Variants in TMEM131 observed in about 807,000 individuals in gnomAD.
TMEM131 encodes the protein 2610524E03Rik.
A neutral mutation model predicts 211.6 loss-of-function variants in TMEM131; 66 were observed. The observed-to-expected ratio is 0.31, with a 90% CI of 0.26 to 0.38. The LOEUF is 0.38. TMEM131 is among the 10% of genes least tolerant of loss of function. The pLI, the probability that TMEM131 is intolerant of heterozygous loss-of-function variation, is 1.00. For synonymous variants in TMEM131, 844 were observed against 841.3 expected, an observed-to-expected ratio of 1.00 and a Z score of -0.06; for missense variants, 2,036 against 2,299.3, an observed-to-expected ratio of 0.89 and a Z score of 2.34.
At chr2:97,922,080 G>C (rs1676764740) in intron 2 of TMEM131, among the ~76,000 whole-genome samples, 1 of 152,154 alleles carries the variant, frequency 6.6e-6, no homozygotes, top group African/African-American at 2.4e-5. Flanking sequence ...ATGGATGGGG[G>C]GTTAGCGGGA....
chr2:97,841,830 G>A lies in TMEM131; in HGVS notation c.708C>T (p.His236=). The change falls in exon 7 of 41, where the codon CAC becomes CAT. Residue 236 remains histidine, a synonymous_variant. Coordinates refer to ENST00000186436, the MANE Select transcript of TMEM131 (RefSeq NM_015348.2). ...FSPIINIHNP[H]SEPLQVVEMY... The stretch of plus-strand genomic sequence containing the variant: ...ATAAACTCACCTGTAAAGGCTCACT[G>A]TGAGGATTGTGGATGTTTATTATAG... 6.3e-7 allele frequency: 1 copy of A among 1,595,996 alleles called. No individual in the cohort carries two copies. Among genetic ancestry groups the A allele is most frequent in the Non-Finnish European group, 8.5e-7 (1 of 1,170,530 alleles).
intron 1 of TMEM131, among the ~76,000 whole-genome samples, chr2:97,983,048 T>C (rs1202995307): frequency 6.6e-6 from 1 of 152,028 alleles, no homozygotes; most frequent in Non-Finnish European, 1.5e-5. Flanking sequence ...TCCATGCTCT[T>C]GTTACCCAAT....
intron 5 of TMEM131, among the ~76,000 whole-genome samples, chr2:97,856,785 C>T (rs545237067): frequency 1.3e-5 from 2 of 152,000 alleles, no homozygotes; most frequent in African/African-American, 4.8e-5. Context: ...CTCTACGTCT[C>T]GAGCTTAAGT....
At chr2:97,929,159 G>C (rs1329299080) in intron 1 of TMEM131, among the ~76,000 whole-genome samples, 1 of 151,518 alleles carries the variant, frequency 6.6e-6, no homozygotes, top group Non-Finnish European at 1.5e-5. Context: ...GCATCCTATA[G>C]TGCCGGAAAG....
intron 2 of TMEM131, among the ~76,000 whole-genome samples, chr2:97,924,094 TAGATTAG>T (rs112778367): frequency 0.33 from 50,225 of 150,880 alleles, 9,101 homozygotes; most frequent in Non-Finnish European, 0.39. Flanking sequence ...AAAAAAAAGT[TAGATTAG>T]AGGCCGAGCA....
At chr2:97,805,769 TCAGAGTAGACAAG>T (rs1219873738) in intron 19 of TMEM131, 66 bp from the exon 20 acceptor site, 4 of 1,417,836 alleles carry the variant, frequency 2.8e-6, no homozygotes, top group Non-Finnish European at 3.8e-6. Flanking sequence ...ATCACAAGTT[TCAGAGTAGACAAG>T]CATACTTCTA....
chr2:97,788,102 C>T (rs1364806443), intron 31 of TMEM131, among the ~76,000 whole-genome samples: 2 of 152,170 alleles, frequency 1.3e-5, no homozygotes, highest in African/African-American at 2.4e-5. Context: ...CGTCCTCACT[C>T]GCTGTCTTTT....
chr2:97,865,054 T>C (rs116303785), intron 4 of TMEM131, among the ~76,000 whole-genome samples: 1 of 152,306 alleles, frequency 6.6e-6, no homozygotes, highest in African/African-American at 2.4e-5. Context: ...TGGTGACAAA[T>C]ATGGGGCAAT....
At chr2:97,969,483 T>C (rs1005685749) in intron 1 of TMEM131, among the ~76,000 whole-genome samples, 52 of 152,216 alleles carry the variant, frequency 3.4e-4, no homozygotes, top group African/African-American at 9.2e-4. Context: ...GTATTATTTA[T>C]GTTTTCCAAA....
chr2:97,914,772 A>T (rs1288751099), intron 2 of TMEM131, among the ~76,000 whole-genome samples: 1 of 152,256 alleles, frequency 6.6e-6, no homozygotes, highest in Non-Finnish European at 1.5e-5. Flanking sequence ...TTAACAGTAC[A>T]TCTACTGAAA....
intron 31 of TMEM131, among the ~76,000 whole-genome samples, chr2:97,782,967 TA>T (rs559411882): frequency 0.035 from 4,539 of 130,604 alleles, 78 homozygotes; most frequent in Middle Eastern, 0.083. Context: ...TATATAGACT[TA>T]AAAAAAAAAA....
chr2:97,993,706 T>C (rs1573668083), intron 1 of TMEM131, among the ~76,000 whole-genome samples: 1 of 152,246 alleles, frequency 6.6e-6, no homozygotes, highest in Non-Finnish European at 1.5e-5. Context: ...CTGGCAAGTA[T>C]TCTCCTCATC....
intron 2 of TMEM131, among the ~76,000 whole-genome samples, chr2:97,922,431 G>C (rs190195754): frequency 2.2e-3 from 337 of 152,178 alleles, no homozygotes; most frequent in Non-Finnish European, 4.0e-3. Context: ...CCAAGAGACA[G>C]CATTATTCTT....
At chr2:97,958,619 AG>A (rs1451518476) in intron 1 of TMEM131, among the ~76,000 whole-genome samples, 1 of 152,222 alleles carries the variant, frequency 6.6e-6, no homozygotes, top group African/African-American at 2.4e-5. Context: ...CAAGCTTTGA[AG>A]GCTGGTGATT....
intron 36 of TMEM131, chr2:97,761,439 C>A (rs1258508666): frequency 6.3e-6 from 1 of 158,882 alleles, no homozygotes; most frequent in African/African-American, 2.4e-5. Context: ...CACGGCGAGG[C>A]ACACGGTGAG....
At chr2:97,820,423 C>T (rs1488156136) in intron 11 of TMEM131, among the ~76,000 whole-genome samples, 3 of 152,146 alleles carry the variant, frequency 2.0e-5, no homozygotes, top group Non-Finnish European at 2.9e-5. Context: ...CATGCTAATA[C>T]TTTTTCCAAA....
intron 19 of TMEM131, 21 bp downstream of exon 19, chr2:97,809,667 T>C (rs1158347530): frequency 1.9e-5 from 30 of 1,587,030 alleles, no homozygotes; most frequent in Admixed American, 3.4e-5. Flanking sequence ...AATAGAAAAA[T>C]GTGTGTATTA....
intron 1 of TMEM131, among the ~76,000 whole-genome samples, chr2:97,979,502 C>T (rs1159920005): frequency 6.6e-6 from 1 of 152,218 alleles, no homozygotes; most frequent in Non-Finnish European, 1.5e-5. Flanking sequence ...GCAACTTGTA[C>T]ATCGGCACTT....
chr2:97,768,674 T>A (rs2104789713), intron 33 of TMEM131, among the ~76,000 whole-genome samples: 1 of 152,332 alleles, frequency 6.6e-6, no homozygotes, highest in African/African-American at 2.4e-5. Flanking sequence ...CACTGTAACC[T>A]CTGCCTCCCA....
Sources: gnomAD v4.1 joint callset for allele counts (sites outside exome capture counted in the v4.1 genomes callset) on GRCh38, gnomAD v4.1.1 for gene constraint, MANE v1.5 for transcripts, NCBI Gene and HGNC (gene_info 2026-07-23, HGNC 2026-07-21) for gene names.